KCNJ6: variants seen among roughly 807,000 people sequenced by gnomAD.
KCNJ6 encodes G protein-activated inward rectifier potassium channel 2.
KCNJ6 carries 9 observed loss-of-function variants against 34.2 expected under a neutral mutation model. The observed-to-expected ratio is 0.26, with a 90% CI of 0.16 to 0.46. The LOEUF is 0.46. Ranked by LOEUF, KCNJ6 falls within the 20% of genes least tolerant of loss-of-function variation. KCNJ6 has a pLI of 1.00. For synonymous variants in KCNJ6, 196 were observed against 207.1 expected, an observed-to-expected ratio of 0.95 and a Z score of 0.46; for missense variants, 236 against 531.3, an observed-to-expected ratio of 0.44 and a Z score of 5.46.
At chr21:37,829,394 C>T (rs1033191090) in intron 2 of KCNJ6, among the ~76,000 whole-genome samples, 1 of 152,168 alleles carries the variant, frequency 6.6e-6, no homozygotes, top group African/African-American at 2.4e-5. Flanking sequence ...TTCATGTTCC[C>T]TCTGGGAGCT....
At position 37,611,845 on chromosome 21, in the gene KCNJ6, A is replaced by G. The variant is rs1049220606; in HGVS notation, c.*13314T>C. On this transcript the variant is annotated 3_prime_UTR_variant, in exon 4 of 4. Coordinates refer to ENST00000609713, the MANE Select transcript of KCNJ6 (RefSeq NM_002240.5). ...CCCCTCAACCTGATAAACAATATCT[A>G]AAAAAAAAACCTTACAGCTAACATC... 1 of 147,694 alleles carries G rather than the reference A, an allele frequency of 6.8e-6. No individual in the cohort carries two copies. Among genetic ancestry groups the G allele is most frequent in the Non-Finnish European group, 1.5e-5 (1 of 66,026 alleles). The allele number at this position is 147,694 out of a possible 1,614,324, so 9.1% of individuals were successfully genotyped here.
At chr21:37,744,323 T>TA (rs1008943087) in intron 2 of KCNJ6, among the ~76,000 whole-genome samples, 8 of 151,356 alleles carry the variant, frequency 5.3e-5, no homozygotes, top group Non-Finnish European at 1.0e-4. Context: ...AATAATAAAA[T>TA]AAAAAAAATG....
rs2054562279 is a variant in KCNJ6 at position 37,675,839 on chromosome 21, C to T, written c.946+38372G>A. Reference sequence around the variant, plus strand: ...AGAGTTACCTTAACGGCAAGCCAGACCCCTGACCCCAACCCATGTCAATAG... The same window carrying T: ...AGAGTTACCTTAACGGCAAGCCAGATCCCTGACCCCAACCCATGTCAATAG... On this transcript the variant is annotated intron_variant, in intron 3 of 3. Coordinates refer to ENST00000609713, the MANE Select transcript of KCNJ6 (RefSeq NM_002240.5). This position sits in a 1 kb window ranked among gnomAD's most constrained non-coding sequence, Gnocchi z 4.2. Among the ~76,000 whole-genome samples, 1 of 152,164 alleles carries T rather than the reference C, an allele frequency of 6.6e-6. No individual in the cohort carries two copies. Among genetic ancestry groups the T allele is most frequent in the African/African-American group, 2.4e-5 (1 of 41,444 alleles).
At chr21:37,647,886 A>G (rs1459035881) in intron 3 of KCNJ6, among the ~76,000 whole-genome samples, 1 of 152,240 alleles carries the variant, frequency 6.6e-6, no homozygotes, top group Non-Finnish European at 1.5e-5. Flanking sequence ...CAGCAGAGGC[A>G]GCATCTATAC....
chr21:37,845,592 T>C (rs2055502926), intron 1 of KCNJ6, among the ~76,000 whole-genome samples: 1 of 152,242 alleles, frequency 6.6e-6, no homozygotes, highest in African/African-American at 2.4e-5. Flanking sequence ...AGACAATGTA[T>C]ATAAATACAG....
intron 1 of KCNJ6, among the ~76,000 whole-genome samples, chr21:37,881,968 T>C (rs983011632): frequency 6.6e-6 from 1 of 152,130 alleles, no homozygotes; most frequent in African/African-American, 2.4e-5. Context: ...GTCTCACAGC[T>C]AAAGCTGCTT....
chr21:37,857,166 AAAT>A (rs371551391), intron 1 of KCNJ6, among the ~76,000 whole-genome samples: 3 of 152,318 alleles, frequency 2.0e-5, no homozygotes, highest in African/African-American at 7.2e-5. Context: ...AAACTGAAGG[AAAT>A]CTTCACTTTT....
At position 37,860,681 on chromosome 21, in the gene KCNJ6, T is replaced by C. The variant is rs111864442; in HGVS notation, c.-27-19972A>G. Among the ~76,000 whole-genome samples, 605 of 152,196 alleles carry C rather than the reference T, an allele frequency of 4.0e-3. 4 individuals carry two copies. Among genetic ancestry groups the C allele is most frequent in the African/African-American group, 0.013 (538 of 41,504 alleles). On this transcript the variant is annotated intron_variant, in intron 1 of 3. Coordinates refer to ENST00000609713, the MANE Select transcript of KCNJ6 (RefSeq NM_002240.5). ...CTTGCCCAGTCCTTCCCCGGGGCCA[T>C]TGTACTTGCCAGAAAAGCTCTCCCA...
chr21:37,669,218 C>G (rs2054530894), intron 3 of KCNJ6, among the ~76,000 whole-genome samples: 1 of 152,196 alleles, frequency 6.6e-6, no homozygotes. Flanking sequence ...AAGGCACCCC[C>G]CCACCTTCCA....
intron 2 of KCNJ6, among the ~76,000 whole-genome samples, chr21:37,719,104 G>A (rs542629655): frequency 5.7e-4 from 87 of 152,228 alleles, no homozygotes; most frequent in African/African-American, 1.9e-3. Flanking sequence ...GAGGAGCCCC[G>A]AGGGGCCAGG....
intron 1 of KCNJ6, among the ~76,000 whole-genome samples, chr21:37,846,233 C>A (rs1310580720): frequency 6.6e-6 from 1 of 152,058 alleles, no homozygotes; most frequent in East Asian, 1.9e-4. Flanking sequence ...GAGAGTATGG[C>A]TTTCTACTGA....
At chr21:37,840,792 C>A in intron 1 of KCNJ6, 83 bp from the exon 2 acceptor site, 1 of 713,376 alleles carries the variant, frequency 1.4e-6, no homozygotes, top group South Asian at 2.0e-5. Flanking sequence ...AGCTATATCT[C>A]TCTTCCTTCT....
At chr21:37,851,003 C>G (rs1408975851) in intron 1 of KCNJ6, among the ~76,000 whole-genome samples, 1 of 152,144 alleles carries the variant, frequency 6.6e-6, no homozygotes, top group Non-Finnish European at 1.5e-5. Context: ...AGCCTGTGTG[C>G]ATCTGTGAAA....
In KCNJ6 at chr21:37,841,521, A is replaced by G. The variant is rs557266006; in HGVS notation, c.-27-812T>C. ...TATGTTCATTATTTAAAAACTTCAG[A>G]AAAAACCTGAAAATTATAAATCTAA... is the stretch of plus-strand genomic sequence containing the variant. On this transcript the variant is annotated intron_variant, in intron 1 of 3. Coordinates refer to ENST00000609713, the MANE Select transcript of KCNJ6 (RefSeq NM_002240.5). Among the ~76,000 whole-genome samples, 14 of 152,336 alleles carry G rather than the reference A, an allele frequency of 9.2e-5. No homozygotes were observed. In the South Asian group the frequency reaches 2.9e-3, roughly 32 times the overall value.
At chr21:37,668,010 T>C (rs2054524776) in intron 3 of KCNJ6, among the ~76,000 whole-genome samples, 2 of 152,140 alleles carry the variant, frequency 1.3e-5, no homozygotes. Flanking sequence ...CTGATGTCAT[T>C]GGATGCAGTG....
intron 3 of KCNJ6, among the ~76,000 whole-genome samples, chr21:37,699,364 A>T (rs2054678673): frequency 6.6e-6 from 1 of 152,154 alleles, no homozygotes; most frequent in South Asian, 2.1e-4. Context: ...TTGGAGGCTC[A>T]TCCTTCCCAC....
Position 37,661,614 on chromosome 21 carries a change from G to GTTCTTTTTTTTT in KCNJ6, c.947-36131_947-36130insAAAAAAAAAGAA, listed in dbSNP as rs766622814. ...TCCACCCATTTCCTTAAGAGACATA[G>GTTCTTTTTTTTT]TTTTTTTTTTTTTTTTTTTTTTTTT... On this transcript the variant is annotated intron_variant, in intron 3 of 3. Coordinates refer to ENST00000609713, the MANE Select transcript of KCNJ6 (RefSeq NM_002240.5). Among the ~76,000 whole-genome samples the GTTCTTTTTTTTT allele has an allele frequency of 9.1e-4, 65 of 71,192 alleles. 16 individuals carry two copies. Among genetic ancestry groups the GTTCTTTTTTTTT allele is most frequent in the Middle Eastern group, 0.01 (1 of 96 alleles). 46.7% of individuals were successfully genotyped at this position (71,192 alleles called of 152,430 possible). A position where few individuals can be genotyped will look rare whatever the true frequency, so the allele number is the denominator to read the frequency against.
chr21:37,607,483 T>TATATATATATATATATATATATA lies in KCNJ6; in HGVS notation c.*17675_*17676insTATATATATATATATATATATAT, dbSNP rs201127739. 36 of 92,116 alleles carry TATATATATATATATATATATATA rather than the reference T, an allele frequency of 3.9e-4. No individual in the cohort carries two copies. The highest frequency in any genetic ancestry group is 6.3e-4 in the Non-Finnish European group (28 of 44,672). The allele number at this position is 92,116 out of a possible 1,614,324, so 5.7% of individuals were successfully genotyped here. Reference sequence around the variant, plus strand: ...TTAAAGATATATATATATATATATATTTTTTTTTTATTTTAAAAAAATTTG... The same window carrying TATATATATATATATATATATATA: ...TTAAAGATATATATATATATATATATATATATATATATATATATATATATTTTTTTTTATTTTAAAAAAATTTG... On this transcript the variant is annotated 3_prime_UTR_variant, in exon 4 of 4. Coordinates refer to ENST00000609713, the MANE Select transcript of KCNJ6 (RefSeq NM_002240.5).
At chr21:37,699,839 G>A (rs934505012) in intron 3 of KCNJ6, among the ~76,000 whole-genome samples, 14 of 152,188 alleles carry the variant, frequency 9.2e-5, no homozygotes, top group Admixed American at 2.6e-4. Context: ...TACTGGGTGG[G>A]AGGGGAACCT....
Sources: gnomAD v4.1 joint callset for allele counts (sites outside exome capture counted in the v4.1 genomes callset) on GRCh38, gnomAD v4.1.1 for gene constraint, Gnocchi (gnomAD v3.1) non-coding constraint, MANE v1.5 for transcripts, NCBI Gene and HGNC (gene_info 2026-07-23, HGNC 2026-07-21) for gene names.